Variants in CIRBP observed in about 807,000 individuals in gnomAD.
CIRBP encodes cold-inducible RNA-binding protein.
In CIRBP, 11 loss-of-function variants were observed where a neutral mutation model predicts 22.3. The ratio of observed to expected loss-of-function variants is 0.49; its 90% confidence interval spans 0.31 to 0.82. The LOEUF (loss-of-function observed/expected upper bound fraction) is 0.82. Among genes scored for constraint, CIRBP ranks in the 40% least tolerant of loss-of-function variants. The probability of loss-of-function intolerance (pLI) is 0.05; values close to 1 mark genes in which losing one functional copy is unlikely to be tolerated. For synonymous variants in CIRBP, 216 were observed against 158.8 expected (o/e 1.36, Z -2.71); for missense variants, 456 against 402.7 (o/e 1.13, Z -1.13).
chr19:1,271,514 G>T (rs1433243252), intron 4 of CIRBP, 37 bp from the exon 5 acceptor site: 20 of 1,600,534 alleles, frequency 1.2e-5, no homozygotes, highest in Non-Finnish European at 1.7e-5. Flanking sequence ...AGGTACTGCT[G>T]GTGGGAGCTG....
intron 3 of CIRBP, 31 bp downstream of exon 3, chr19:1,271,277 G>C (rs113223612): frequency 7.5e-5 from 121 of 1,613,874 alleles, no homozygotes; most frequent in Non-Finnish European, 9.7e-5. Flanking sequence ...CAGGAGTCCC[G>C]TCTCGAGGAT....
chr19:1,270,209 C>G (rs989413464), intron 1 of CIRBP: 1 of 421,946 alleles, frequency 2.4e-6, no homozygotes, highest in African/African-American at 2.2e-5. Flanking sequence ...CCCCCCAGGA[C>G]GGGGCGGCCT....
At chr19:1,270,264 G>C (rs1195103695) in intron 1 of CIRBP, 1 of 377,104 alleles carries the variant, frequency 2.7e-6, no homozygotes, top group Non-Finnish European at 5.4e-6. Flanking sequence ...GCATTTTACA[G>C]TGAGCAGAAG....
chr19:1,273,769 CAT>C lies in CIRBP; in HGVS notation c.*1327_*1328del, dbSNP rs1385222908. 1.3e-5 allele frequency: 2 copies of C among 152,402 alleles called. No individual in the cohort carries two copies. Among genetic ancestry groups the C allele is most frequent in the East Asian group, 1.9e-4 (1 of 5,198 alleles). The allele number at this position is 152,402 out of a possible 1,614,324, so 9.4% of individuals were successfully genotyped here. ...CTCTTGTTGAGAGCTCACTGAAAGT[CAT>C]GTGCCCGGGGAATGTTCCTGTGACT... On this transcript the variant is annotated 3_prime_UTR_variant, in exon 6 of 6. Transcript: ENST00000587896.
In CIRBP at chr19:1,272,437, C is replaced by T. The variant is rs1568834550; in HGVS notation, c.888C>T (p.Asn296=). 1.9e-6 allele frequency: 3 copies of T among 1,538,550 alleles called. No individual in the cohort carries two copies. Among genetic ancestry groups the T allele is most frequent in the Non-Finnish European group, 2.6e-6 (3 of 1,143,946 alleles). The change falls in exon 6 of 6, where the codon AAC becomes AAT. Residue 296 remains asparagine (N), a synonymous_variant. Transcript: ENST00000587896. ...CACFLSSATH[N]E ...GCTTCTTGTCCTCAGCTACACACAA[C>T]GAGTAAAAACCCTTCCTGCTCAAGA... is the stretch of plus-strand genomic sequence containing the variant.
Position 1,272,146 on chromosome 19 carries a change from C to CA in CIRBP, c.598dup (p.Arg200LysfsTer28). ...CTCCAAGCACTTTAGGCTGGACACTCAGACCTTGTCACTGTGCTTGCCCAG... is the reference window on the plus strand; with the variant it reads ...CTCCAAGCACTTTAGGCTGGACACTCAAGACCTTGTCACTGTGCTTGCCCAG... On this transcript the variant is annotated frameshift_variant, in exon 6 of 6. Coordinates refer to ENST00000587896, the MANE Select transcript of CIRBP (RefSeq NM_001300829.2). LOFTEE classifies it low-confidence loss of function (END_TRUNC). The CA allele has an allele frequency of 1.2e-6, 2 of 1,611,678 alleles. No homozygotes were observed. The highest frequency in any genetic ancestry group is 1.7e-6 in the Non-Finnish European group (2 of 1,179,330).
intron 1 of CIRBP, 104 bp from the exon 2 acceptor site, chr19:1,270,823 TC>T: frequency 2.5e-6 from 2 of 814,052 alleles, no homozygotes; most frequent in South Asian, 1.5e-5. Flanking sequence ...AATCTGATTT[TC>T]TAATATTTCC....
In CIRBP at chr19:1,271,120, GAC is replaced by G. The variant is rs576745398; in HGVS notation, c.104-19_104-18del. On this transcript the variant is annotated intron_variant, in intron 2 of 5. Coordinates refer to ENST00000587896, the MANE Select transcript of CIRBP (RefSeq NM_001300829.2). The stretch of plus-strand genomic sequence containing the variant: ...GAAGTACAGCTGGGTGCTGACTGCA[GAC>G]CTCTCTCCCCTGCACAGTGGTGGTT... 4.5e-4 allele frequency: 719 copies of G among 1,613,040 alleles called. 5 individuals are homozygous for G. In the African/African-American group the frequency reaches 8.6e-3, roughly 19 times the overall value.
Position 1,272,116 on chromosome 19 carries a change from GC to G in CIRBP, c.570del (p.Ser191LeufsTer5). On this transcript the variant is annotated frameshift_variant, in exon 6 of 6. Coordinates refer to ENST00000587896, the MANE Select transcript of CIRBP (RefSeq NM_001300829.2). LOFTEE classifies it low-confidence loss of function (END_TRUNC). Reference sequence around the variant, plus strand: ...CGGTGGGAGCTCGGTTCACCTTGGTGCCCTCTCCAAGCACTTTAGGCTGGAC... The same window carrying G: ...CGGTGGGAGCTCGGTTCACCTTGGTGCCTCTCCAAGCACTTTAGGCTGGAC... ...PAVGARFTLV[P>X]SPSTLGWTLR... 6.2e-7 allele frequency: 1 copy of G among 1,613,784 alleles called. No individual in the cohort carries two copies. The highest frequency in any genetic ancestry group is 8.5e-7 in the Non-Finnish European group (1 of 1,179,988).
rs1446128052 is a variant in CIRBP, at chr19:1,272,650, T to G, written c.*207T>G. 21 of 424,756 alleles carry G rather than the reference T, an allele frequency of 4.9e-5. No individual in the cohort carries two copies. Among genetic ancestry groups the G allele is most frequent in the South Asian group, 2.0e-4 (3 of 15,050 alleles). 26.3% of individuals were successfully genotyped at this position (424,756 alleles called of 1,614,324 possible). On this transcript the variant is annotated 3_prime_UTR_variant, in exon 6 of 6. Transcript: ENST00000587896. ...GACTTTTCTTTTTAAGGAAGTGCTG[T>G]TTTTTTTTGAGGGTTTTCAAAACAT...
chr19:1,272,610 A>T lies in CIRBP; in HGVS notation c.*167A>T. 1.6e-6 allele frequency: 1 copy of T among 613,522 alleles called. No individual in the cohort carries two copies. Among genetic ancestry groups the T allele is most frequent in the Non-Finnish European group, 2.9e-6 (1 of 350,798 alleles). 38.0% of individuals were successfully genotyped at this position (613,522 alleles called of 1,614,324 possible). ...CAGCCTGACCGCTTCTGACGCCGGG[A>T]TGGCCTCGTTACTAGACTTTTCTTT... On this transcript the variant is annotated 3_prime_UTR_variant, in exon 6 of 6. Coordinates refer to ENST00000587896, the MANE Select transcript of CIRBP (RefSeq NM_001300829.2).
chr19:1,274,170 G>C lies in CIRBP; in HGVS notation c.*1727G>C. 2.5e-6 allele frequency: 1 copy of C among 396,230 alleles called. No homozygotes were observed. 24.5% of individuals were successfully genotyped at this position (396,230 alleles called of 1,614,324 possible). A position where few individuals can be genotyped will look rare whatever the true frequency, so the allele number is the denominator to read the frequency against. ...AGACCCGCCCTGGGCATGCTGGCCTGTGACGGAGCCTGAGGTCACAGCCCC... is the reference window on the plus strand; with the variant it reads ...AGACCCGCCCTGGGCATGCTGGCCTCTGACGGAGCCTGAGGTCACAGCCCC... On this transcript the variant is annotated 3_prime_UTR_variant, in exon 6 of 6. Coordinates refer to ENST00000587896, the MANE Select transcript of CIRBP (RefSeq NM_001300829.2).
At position 1,271,382 on chromosome 19, in the gene CIRBP, C is replaced by A. The variant is rs1295291148; in HGVS notation, c.264C>A (p.Asn88Lys). 6.2e-7 allele frequency: 1 copy of A among 1,613,930 alleles called. No homozygotes were observed. Among genetic ancestry groups the A allele is most frequent in the East Asian group, 2.2e-5 (1 of 44,886 alleles). ...ACCAGGCAGGCAAGTCGTCAGACAACCGATCCCGTGGGTACCGTGGTGGCT... is the reference window on the plus strand; with the variant it reads ...ACCAGGCAGGCAAGTCGTCAGACAAACGATCCCGTGGGTACCGTGGTGGCT... ...RVDQAGKSSD[N>K]RSRGYRGGSA... Residue 88 changes from asparagine to lysine, a missense_variant, in exon 4 of 6, where the codon AAC (asparagine) becomes AAA (lysine). Physicochemically the swap from Asn to Lys is moderately conservative, Grantham distance 94. Around this residue, in one of 2 missense-constraint regions of CIRBP, gnomAD observed 426 missense variants for 339.6 expected, o/e 1.25. Coordinates refer to ENST00000587896, the MANE Select transcript of CIRBP (RefSeq NM_001300829.2).
Position 1,272,394 on chromosome 19 carries a change from T to A in CIRBP, c.845T>A (p.Val282Glu). ...GTGAAGCTGCCTCTTGTTGCTTCGG[T>A]GCCTTTACACTGTGCCTGCTTCTTG... is the stretch of plus-strand genomic sequence containing the variant. ...SGVKLPLVAS[V>E]PLHCACFLSS... is the part of the protein sequence containing the mutation. The change falls in exon 6 of 6, where the codon GTG becomes GAG. Residue 282 changes from valine to glutamate, a missense_variant. Physicochemically the swap from Val to Glu is moderately radical, Grantham distance 121 (BLOSUM62 -2). Around this residue, in one of 2 missense-constraint regions of CIRBP, gnomAD observed 426 missense variants for 339.6 expected, o/e 1.25. Transcript: ENST00000587896. 1 of 1,598,532 alleles carries A rather than the reference T, an allele frequency of 6.3e-7. No homozygotes were observed. Among genetic ancestry groups the A allele is most frequent in the East Asian group, 2.2e-5 (1 of 44,710 alleles).
Position 1,272,172 on chromosome 19 carries a change from A to G in CIRBP, c.623A>G (p.Glu208Gly). 6.2e-7 allele frequency: 1 copy of G among 1,604,358 alleles called. No individual in the cohort carries two copies. Among genetic ancestry groups the G allele is most frequent in the Non-Finnish European group, 8.5e-7 (1 of 1,175,986 alleles). The change falls in exon 6 of 6, where the codon GAA becomes GGA. Residue 208 changes from glutamate to glycine, a missense_variant. Glu to Gly is a moderately conservative substitution (Grantham distance 98). Coordinates refer to ENST00000587896, the MANE Select transcript of CIRBP (RefSeq NM_001300829.2). The part of the protein sequence containing the change: ...TLRPCHCACP[E>G]EAHLSSQSHF... The stretch of plus-strand genomic sequence containing the variant: ...AGACCTTGTCACTGTGCTTGCCCAG[A>G]AGAGGCGCATCTGTCCTCTCAGAGC...
Position 1,271,646 on chromosome 19 carries a change from C to T in CIRBP, c.431+14C>T, listed in dbSNP as rs745315390. 2.8e-5 allele frequency: 42 copies of T among 1,474,688 alleles called. No individual in the cohort carries two copies. Among genetic ancestry groups the T allele is most frequent in the Middle Eastern group, 2.2e-4 (1 of 4,502 alleles). The allele number at this position is 1,474,688 out of a possible 1,614,324, so 91.4% of individuals were successfully genotyped here. ...CTACTATAGCAGGTGAGGGGGAGGC[C>T]GGCCCAAGCACAGGGGTGGTTGCGG... is the stretch of plus-strand genomic sequence containing the variant. On this transcript the variant is annotated intron_variant, in intron 5 of 5. Transcript: ENST00000587896.
In CIRBP at chr19:1,272,209, C is replaced by A; in HGVS notation, c.660C>A (p.Arg220=). 6.3e-7 allele frequency: 1 copy of A among 1,594,074 alleles called. No homozygotes were observed. Among genetic ancestry groups the A allele is most frequent in the Non-Finnish European group, 8.5e-7 (1 of 1,171,132 alleles). Reference sequence around the variant, plus strand: ...TGTCCTCTCAGAGCCATTTCTATCGCAGGACGCAAAAGCCAAATGAGACTG... The same window carrying A: ...TGTCCTCTCAGAGCCATTTCTATCGAAGGACGCAAAAGCCAAATGAGACTG... ...AHLSSQSHFY[R]RTQKPNETDQ... Residue 220 remains arginine, a synonymous_variant, in exon 6 of 6, where the codon CGC becomes CGA. Coordinates refer to ENST00000587896, the MANE Select transcript of CIRBP (RefSeq NM_001300829.2).
Position 1,272,408 on chromosome 19 carries a change from G to A in CIRBP, c.859G>A (p.Ala287Thr), listed in dbSNP as rs758622994. The A allele has an allele frequency of 3.2e-6, 5 of 1,572,778 alleles. No homozygotes were observed. Among genetic ancestry groups the A allele is most frequent in the Non-Finnish European group, 4.3e-6 (5 of 1,160,582 alleles). The part of the protein sequence containing the change: ...PLVASVPLHC[A>T]CFLSSATHNE Reference sequence around the variant, plus strand: ...TGTTGCTTCGGTGCCTTTACACTGTGCCTGCTTCTTGTCCTCAGCTACACA... The same window carrying A: ...TGTTGCTTCGGTGCCTTTACACTGTACCTGCTTCTTGTCCTCAGCTACACA... The change falls in exon 6 of 6, where the codon GCC becomes ACC. Residue 287 changes from alanine to threonine, a missense_variant. Ala to Thr is a moderately conservative substitution (Grantham distance 58). Coordinates refer to ENST00000587896, the MANE Select transcript of CIRBP (RefSeq NM_001300829.2).
chr19:1,272,263 C>A lies in CIRBP; in HGVS notation c.714C>A (p.Pro238=), dbSNP rs774988406. Reference sequence around the variant, plus strand: ...AAAAAGGCAAGGGAGAGCGAGGGCCCGCTGGGCAGTCAGCTAGGTGCATGT... The same window carrying A: ...AAAAAGGCAAGGGAGAGCGAGGGCCAGCTGGGCAGTCAGCTAGGTGCATGT... ...TDQKGKGERG[P]AGQSARCMCG... is the part of the protein sequence containing the mutation. Residue 238 remains proline, a synonymous_variant, in exon 6 of 6, where the codon CCC becomes CCA. Transcript: ENST00000587896. 6.2e-7 allele frequency: 1 copy of A among 1,610,850 alleles called. No individual in the cohort carries two copies. Among genetic ancestry groups the A allele is most frequent in the South Asian group, 1.1e-5 (1 of 91,014 alleles).
Sources: allele counts gnomAD v4.1 joint callset, GRCh38; gene constraint gnomAD v4.1.1; regional missense constraint gnomAD v4.1.1; transcripts MANE v1.5; gene names NCBI Gene and HGNC (gene_info 2026-07-23, HGNC 2026-07-21).